ADGRB3: variants seen among roughly 807,000 people sequenced by gnomAD.
ADGRB3 encodes the protein adhesion G protein-coupled receptor B3, also known as brain-specific angiogenesis inhibitor 3.
A neutral mutation model predicts 193.4 loss-of-function variants in ADGRB3; 37 were observed. That is an observed-to-expected ratio of 0.19 (90% CI 0.15 to 0.25). The LOEUF is 0.25. ADGRB3 is among the 10% of genes least tolerant of loss of function. The pLI is 1.00. For synonymous variants in ADGRB3, 690 were observed against 644.2 expected, an observed-to-expected ratio of 1.07 and a Z score of -1.08; for missense variants, 1,637 against 1,852.9, an observed-to-expected ratio of 0.88 and a Z score of 2.14.
chr6:68,932,717 C>A (rs190610028), intron 4 of ADGRB3, among the ~76,000 whole-genome samples: 5 of 150,500 alleles, frequency 3.3e-5, no homozygotes, highest in East Asian at 2.0e-4. Flanking sequence ...TGTCTTTAAG[C>A]CAGAAAAAAG....
At chr6:68,839,974 G>C (rs1768119187) in intron 3 of ADGRB3, among the ~76,000 whole-genome samples, 2 of 152,088 alleles carry the variant, frequency 1.3e-5, no homozygotes, top group Admixed American at 1.3e-4. Context: ...AGCAACACCA[G>C]ACAGAAATTG....
intron 3 of ADGRB3, among the ~76,000 whole-genome samples, chr6:68,883,517 A>G (rs1765798862): frequency 6.6e-6 from 1 of 152,170 alleles, no homozygotes; most frequent in African/African-American, 2.4e-5. Context: ...TATGAGCTGT[A>G]ACACTCACCA....
chr6:68,835,226 G>T (rs985695786), intron 3 of ADGRB3, among the ~76,000 whole-genome samples: 1 of 152,058 alleles, frequency 6.6e-6, no homozygotes, highest in Non-Finnish European at 1.5e-5. Flanking sequence ...CATTCTGGTG[G>T]GGAGGCTTTG....
chr6:68,868,458 T>G (rs1765365039), intron 3 of ADGRB3, among the ~76,000 whole-genome samples: 1 of 152,218 alleles, frequency 6.6e-6, no homozygotes, highest in African/African-American at 2.4e-5. Context: ...TAAAGTAATG[T>G]AACATGTTGT....
chr6:68,712,257 C>T (rs1765419396), intron 3 of ADGRB3, among the ~76,000 whole-genome samples: 2 of 151,800 alleles, frequency 1.3e-5, no homozygotes, highest in Non-Finnish European at 1.5e-5. Context: ...AATAAAGAGG[C>T]GGCAATTTTT....
At chr6:68,906,070 CAA>C (rs1018540667) in intron 3 of ADGRB3, among the ~76,000 whole-genome samples, 2 of 151,698 alleles carry the variant, frequency 1.3e-5, no homozygotes, top group African/African-American at 4.8e-5. Context: ...ATAAATACCA[CAA>C]GTTTCTTTTT....
rs367785089 is a variant in ADGRB3, at chr6:69,030,956, TTTTTCTTTTCTTTTCTTTTC to T, written c.2107+12476_2107+12495del. On this transcript the variant is annotated intron_variant, in intron 13 of 31. Transcript: ENST00000370598. Reference sequence around the variant, plus strand: ...GGTTTTAATTTTCTTTTCTTTTCTTTTTTTCTTTTCTTTTCTTTTCTTTTCTTTTCTTTTCTTTCTTTTCC... The same window carrying T: ...GGTTTTAATTTTCTTTTCTTTTCTTTTTTTCTTTTCTTTTCTTTCTTTTCC... 4.1e-4 allele frequency among the ~76,000 whole-genome samples: 30 copies of T among 72,426 alleles called. No individual in the cohort carries two copies. The East Asian group carries it at 6.9e-3, about 17-fold the overall frequency. 47.5% of individuals were successfully genotyped at this position (72,426 alleles called of 152,430 possible).
intron 30 of ADGRB3, among the ~76,000 whole-genome samples, chr6:69,373,363 G>T (rs182778155): frequency 2.6e-5 from 4 of 151,988 alleles, no homozygotes; most frequent in African/African-American, 4.8e-5. Context: ...TGTACATCAT[G>T]TGTCAAAACT....
At chr6:68,786,294 A>G (rs1240551035) in intron 3 of ADGRB3, among the ~76,000 whole-genome samples, 4 of 152,112 alleles carry the variant, frequency 2.6e-5, no homozygotes, top group Non-Finnish European at 4.4e-5. Flanking sequence ...GAGGTCTAAC[A>G]TTTAAGTCTT....
intron 16 of ADGRB3, among the ~76,000 whole-genome samples, chr6:69,075,731 C>G (rs1420445246): frequency 1.3e-5 from 2 of 151,940 alleles, no homozygotes; most frequent in African/African-American, 4.8e-5. Flanking sequence ...TGTATGAGAG[C>G]CTTGCTTTTA....
At chr6:69,214,751 TG>T (rs1280094288) in intron 17 of ADGRB3, among the ~76,000 whole-genome samples, 1 of 151,768 alleles carries the variant, frequency 6.6e-6, no homozygotes, top group Non-Finnish European at 1.5e-5. Flanking sequence ...CAAACGTAAT[TG>T]TGGTTTTTAC....
chr6:69,217,842 A>G (rs773446577), intron 17 of ADGRB3, among the ~76,000 whole-genome samples: 4 of 152,164 alleles, frequency 2.6e-5, no homozygotes, highest in African/African-American at 4.8e-5. Flanking sequence ...TGAACTGGAC[A>G]GAATTAACAG....
At chr6:68,843,709 A>T (rs1768209579) in intron 3 of ADGRB3, among the ~76,000 whole-genome samples, 1 of 152,178 alleles carries the variant, frequency 6.6e-6, no homozygotes, top group South Asian at 2.1e-4. Context: ...GACTCAGAAT[A>T]GCCAAAGCTG....
intron 3 of ADGRB3, among the ~76,000 whole-genome samples, chr6:68,735,512 C>T (rs931920548): frequency 1.3e-5 from 2 of 151,716 alleles, no homozygotes; most frequent in African/African-American, 4.8e-5. Context: ...TTGGAAAGTA[C>T]CAGAAAGATG....
At chr6:68,648,914 A>G (rs982288699) in intron 3 of ADGRB3, among the ~76,000 whole-genome samples, 2 of 152,020 alleles carry the variant, frequency 1.3e-5, no homozygotes, top group Admixed American at 1.3e-4. Flanking sequence ...AAAGCATTTA[A>G]ATAAAGATTT....
intron 3 of ADGRB3, among the ~76,000 whole-genome samples, chr6:68,720,813 C>T (rs1384250873): frequency 6.6e-6 from 1 of 151,772 alleles, no homozygotes; most frequent in African/African-American, 2.4e-5. Flanking sequence ...GTGACACACA[C>T]AGGGTGGAAG....
chr6:68,858,116 A>G (rs1765039892), intron 3 of ADGRB3, among the ~76,000 whole-genome samples: 1 of 152,162 alleles, frequency 6.6e-6, no homozygotes. Context: ...AGTTTTTGGT[A>G]TGTCTTTATC....
Position 69,330,414 on chromosome 6 carries a change from C to A in ADGRB3, c.3036-92C>A, listed in dbSNP as rs529720405. 6.8e-5 allele frequency: 63 copies of A among 930,164 alleles called. No individual in the cohort carries two copies. The South Asian group carries it at 1.6e-3, about 24-fold the overall frequency. 57.6% of individuals were successfully genotyped at this position (930,164 alleles called of 1,614,324 possible). On this transcript the variant is annotated intron_variant, in intron 22 of 31. Transcript: ENST00000370598. ...TTTAACATGTGCCAAAATTCCAAGG[C>A]AAAATGTATAATCTAAGTTGTTTGT...
intron 3 of ADGRB3, among the ~76,000 whole-genome samples, chr6:68,883,250 A>G (rs1295843576): frequency 6.6e-6 from 1 of 152,150 alleles, no homozygotes; most frequent in African/African-American, 2.4e-5. Flanking sequence ...AAATGCACCA[A>G]TTAGCACCCT....
Sources: gnomAD v4.1 joint callset for allele counts (sites outside exome capture counted in the v4.1 genomes callset) on GRCh38, gnomAD v4.1.1 for gene constraint, MANE v1.5 for transcripts, NCBI Gene and HGNC (gene_info 2026-07-23, HGNC 2026-07-21) for gene names.